Variants in ST7L observed in about 807,000 individuals in gnomAD.
The protein encoded by ST7L is suppression of tumorigenicity 7 like.
Under a neutral mutation model 72.5 loss-of-function variants are expected in ST7L, and 57 were observed. The ratio of observed to expected loss-of-function variants is 0.79; its 90% CI spans 0.64 to 0.98. ST7L has a LOEUF of 0.98. Ranked by LOEUF, ST7L falls within the 50% of genes least tolerant of loss-of-function variation. The pLI is 0.00. For synonymous variants in ST7L, 221 were observed against 240.9 expected, an observed-to-expected ratio of 0.92 and a Z score of 0.77; for missense variants, 576 against 672.2, an observed-to-expected ratio of 0.86 and a Z score of 1.58.
intron 2 of ST7L, among the ~76,000 whole-genome samples, chr1:112,613,039 A>T (rs1392421311): frequency 6.6e-6 from 1 of 152,016 alleles, no homozygotes; most frequent in Non-Finnish European, 1.5e-5. Flanking sequence ...GGATTGCTTG[A>T]GTTCAGCAGG....
intron 11 of ST7L, among the ~76,000 whole-genome samples, chr1:112,566,608 T>A (rs1661106391): frequency 6.6e-6 from 1 of 152,280 alleles, no homozygotes; most frequent in Middle Eastern, 3.4e-3. Context: ...TCAAAACGTA[T>A]CTTCTTTCAC....
chr1:112,604,478 C>T (rs902733250), intron 3 of ST7L, among the ~76,000 whole-genome samples: 2 of 151,908 alleles, frequency 1.3e-5, no homozygotes, highest in Admixed American at 6.6e-5. Flanking sequence ...CAGAAGTGAA[C>T]CTATGGAACC....
At chr1:112,583,842 T>C (rs1664475738) in intron 7 of ST7L, 130 bp downstream of exon 7, 3 of 1,041,660 alleles carry the variant, frequency 2.9e-6, no homozygotes, top group Admixed American at 5.0e-5. Flanking sequence ...GTATTGTGAA[T>C]AGATTAGTTA....
At chr1:112,604,776 A>G (rs1312868548) in intron 3 of ST7L, among the ~76,000 whole-genome samples, 1 of 25,342 alleles carries the variant, frequency 3.9e-5, no homozygotes, top group African/African-American at 1.3e-4. Flanking sequence ...TGTCTCTCTT[A>G]AAAAAAAAAA....
At chr1:112,552,613 A>G (rs1658415867) in intron 12 of ST7L, among the ~76,000 whole-genome samples, 1 of 152,144 alleles carries the variant, frequency 6.6e-6, no homozygotes, top group African/African-American at 2.4e-5. Flanking sequence ...CATGTTGGTC[A>G]GGCTGGTTTC....
At chr1:112,519,024 A>G (rs145817598), downstream of ST7L, among the ~76,000 whole-genome samples, 154 of 152,310 alleles carry the variant, frequency 1.0e-3, no homozygotes, top group Non-Finnish European at 1.6e-3. Context: ...ATATGTGACT[A>G]GTGGCTGCTA....
intron 9 of ST7L, among the ~76,000 whole-genome samples, chr1:112,578,711 T>C (rs558296808): frequency 5.6e-4 from 85 of 151,870 alleles, no homozygotes; most frequent in Non-Finnish European, 1.1e-3. Flanking sequence ...GAGGCGGAGG[T>C]TGCAGTGAGC....
intron 10 of ST7L, among the ~76,000 whole-genome samples, chr1:112,577,530 C>CAAAAAAA (rs527682647): frequency 4.1e-5 from 1 of 24,114 alleles, no homozygotes; most frequent in Non-Finnish European, 8.2e-5. Flanking sequence ...AACTCTGTCT[C>CAAAAAAA]AAAAAAAAAA....
At chr1:112,582,810 AT>A (rs1250501194) in intron 7 of ST7L, among the ~76,000 whole-genome samples, 1 of 152,170 alleles carries the variant, frequency 6.6e-6, no homozygotes, top group African/African-American at 2.4e-5. Context: ...TACATACATT[AT>A]AGTAAGATAT....
chr1:112,602,837 T>C (rs1667633649), intron 3 of ST7L, among the ~76,000 whole-genome samples: 1 of 149,634 alleles, frequency 6.7e-6, no homozygotes, highest in South Asian at 2.2e-4. Flanking sequence ...TGCCTCAGCC[T>C]CCCGAGTAGC....
At chr1:112,585,224 A>G (rs1377421041) in intron 6 of ST7L, among the ~76,000 whole-genome samples, 1 of 152,224 alleles carries the variant, frequency 6.6e-6, no homozygotes. Context: ...GAAATAACAA[A>G]TCCATCTCTT....
chr1:112,517,941 G>A, the ST7L span: 1 of 155,076 alleles, frequency 6.4e-6, no homozygotes, highest in African/African-American at 2.4e-5. Context: ...TAGTAGGTGG[G>A]AAAGCACATG....
chr1:112,616,919 G>T, intron 1 of ST7L, 24 bp from the exon 2 acceptor site: 1 of 1,559,154 alleles, frequency 6.4e-7, no homozygotes, highest in Non-Finnish European at 8.7e-7. Flanking sequence ...AAGAATCAAA[G>T]TTTTAAAAAA....
intron 11 of ST7L, among the ~76,000 whole-genome samples, chr1:112,567,383 A>AT (rs1661227348): frequency 6.6e-6 from 1 of 152,170 alleles, no homozygotes. Flanking sequence ...TCAGATAAAC[A>AT]TATTACAAAT....
At chr1:112,540,713 A>G in intron 14 of ST7L, 1 of 1,213,870 alleles carries the variant, frequency 8.2e-7, no homozygotes, top group African/African-American at 1.6e-5. Flanking sequence ...TTAAGGCAGA[A>G]AAAGAAACTG....
At chr1:112,540,564 A>C in intron 14 of ST7L, 4 of 985,424 alleles carry the variant, frequency 4.1e-6, no homozygotes, top group Non-Finnish European at 4.8e-6. Context: ...TCAAGTGCAG[A>C]CTCAGACTCC....
chr1:112,551,384 G>GGCC (rs1395677858), intron 12 of ST7L, among the ~76,000 whole-genome samples: 1 of 151,960 alleles, frequency 6.6e-6, no homozygotes, highest in Non-Finnish European at 1.5e-5. Flanking sequence ...TCCTGACCTT[G>GGCC]TGATCCACCC....
chr1:112,576,866 A>T, intron 11 of ST7L, 120 bp downstream of exon 11: 2 of 663,470 alleles, frequency 3.0e-6, no homozygotes, highest in Middle Eastern at 4.1e-4. Context: ...ATAAGCATCA[A>T]AATATAGCAG....
downstream of ST7L, chr1:112,520,732 C>G (rs955083584): frequency 1.7e-6 from 1 of 586,816 alleles, no homozygotes; most frequent in Non-Finnish European, 3.0e-6. Flanking sequence ...CCTGATTTCC[C>G]GCTCTGGAGA....
Sources: allele counts gnomAD v4.1 joint callset (sites outside exome capture counted in the v4.1 genomes callset), GRCh38; gene constraint gnomAD v4.1.1; transcripts MANE v1.5; gene names NCBI Gene and HGNC (gene_info 2026-07-23, HGNC 2026-07-21).